GOLGA5: variants seen among roughly 807,000 people sequenced by gnomAD.
GOLGA5 encodes golgin subfamily A member 5.
A neutral mutation model predicts 93.5 loss-of-function variants in GOLGA5; 50 were observed. The ratio of observed to expected loss-of-function variants is 0.53; its 90% confidence interval spans 0.43 to 0.68. The LOEUF is 0.68. Among genes scored for constraint, GOLGA5 ranks in the 30% least tolerant of loss-of-function variants. The probability of loss-of-function intolerance (pLI) is 0.00; values close to 1 mark genes in which losing one functional copy is unlikely to be tolerated. For missense variants in GOLGA5, 760 were observed against 856.4 expected, an observed-to-expected ratio of 0.89 and a Z score of 1.40; for synonymous variants, 312 against 304.5, an observed-to-expected ratio of 1.02 and a Z score of -0.26.
chr14:92,794,927 C>T (rs1182265440), intron 1 of GOLGA5, among the ~76,000 whole-genome samples: 1 of 152,196 alleles, frequency 6.6e-6, no homozygotes, highest in Non-Finnish European at 1.5e-5. Context: ...GGGGAATTGA[C>T]GGGTGCCTCT....
chr14:92,820,660 C>T (rs1388299083), intron 8 of GOLGA5, among the ~76,000 whole-genome samples: 1 of 152,170 alleles, frequency 6.6e-6, no homozygotes, highest in Admixed American at 6.5e-5. Flanking sequence ...CCCGGCTTTC[C>T]AGGGCAGAGG....
intron 7 of GOLGA5, 69 bp downstream of exon 7, chr14:92,816,490 G>A (rs1031846941): frequency 7.7e-7 from 1 of 1,302,130 alleles, no homozygotes; most frequent in South Asian, 1.3e-5. Flanking sequence ...TGAGAGGTGG[G>A]GAAACAGCAT....
At position 92,809,527 on chromosome 14, in the gene GOLGA5, AT is replaced by A; in HGVS notation, c.992+10del. ...ACAGAGTGAAAAATCACGGTAGGTGATTCTATGAATAATGAAAAAAATGAGC... is the reference window on the plus strand; with the variant it reads ...ACAGAGTGAAAAATCACGGTAGGTGATCTATGAATAATGAAAAAAATGAGC... On this transcript the variant is annotated intron_variant, in intron 4 of 12. Coordinates refer to ENST00000163416, the MANE Select transcript of GOLGA5 (RefSeq NM_005113.4). 1 of 1,544,026 alleles carries A rather than the reference AT, an allele frequency of 6.5e-7. No homozygotes were observed. Among genetic ancestry groups the A allele is most frequent in the Non-Finnish European group, 8.9e-7 (1 of 1,117,932 alleles).
chr14:92,813,201 G>A (rs1885138004), intron 6 of GOLGA5, among the ~76,000 whole-genome samples: 1 of 151,614 alleles, frequency 6.6e-6, no homozygotes. Context: ...GTACTTTTTT[G>A]TATCACCCTA....
At chr14:92,830,642 C>T (rs1182098986) in intron 9 of GOLGA5, among the ~76,000 whole-genome samples, 3 of 152,084 alleles carry the variant, frequency 2.0e-5, no homozygotes, top group African/African-American at 7.2e-5. Flanking sequence ...CTCTGTCACC[C>T]GGGCTGGAGT....
Position 92,819,780 on chromosome 14 carries a change from G to A in GOLGA5, c.1564G>A (p.Ala522Thr), listed in dbSNP as rs542309479. The change falls in exon 8 of 13, where the codon GCT becomes ACT. Residue 522 changes from alanine (A) to threonine (T), a missense_variant. Coordinates refer to ENST00000163416, the MANE Select transcript of GOLGA5 (RefSeq NM_005113.4). Reference sequence around the variant, plus strand: ...GTTACAGGATCTGCATGACCAAATAGCTGGGCAGAAAGCATCCAAACAAGA... The same window carrying A: ...GTTACAGGATCTGCATGACCAAATAACTGGGCAGAAAGCATCCAAACAAGA... ...EQLQDLHDQI[A>T]GQKASKQELE... 2 of 1,613,982 alleles carry A rather than the reference G, an allele frequency of 1.2e-6. No homozygotes were observed. The highest frequency in any genetic ancestry group is 4.5e-5 in the East Asian group (2 of 44,882).
chr14:92,820,653 G>A (rs1033596366), intron 8 of GOLGA5, among the ~76,000 whole-genome samples: 5 of 152,192 alleles, frequency 3.3e-5, no homozygotes, highest in Admixed American at 6.5e-5. Flanking sequence ...GACAATACCC[G>A]GCTTTCCAGG....
intron 11 of GOLGA5, among the ~76,000 whole-genome samples, chr14:92,835,938 T>TATACAGG (rs200628174): frequency 0.65 from 99,447 of 151,950 alleles, 33,012 homozygotes; most frequent in African/African-American, 0.77. Context: ...TAACCCTGAC[T>TATACAGG]GTATCTCTTT....
intron 8 of GOLGA5, among the ~76,000 whole-genome samples, chr14:92,822,217 C>G (rs551637832): frequency 6.6e-6 from 1 of 152,324 alleles, no homozygotes; most frequent in African/African-American, 2.4e-5. Context: ...TTTCTCACCT[C>G]TCTTGATTTT....
At chr14:92,800,600 A>G (rs974671367) in intron 2 of GOLGA5, among the ~76,000 whole-genome samples, 27 of 152,352 alleles carry the variant, frequency 1.8e-4, no homozygotes, top group African/African-American at 6.5e-4. Flanking sequence ...CAGGCTTTAG[A>G]ATCGCTTGTG....
At chr14:92,814,288 G>C (rs951820161) in intron 6 of GOLGA5, among the ~76,000 whole-genome samples, 1 of 152,166 alleles carries the variant, frequency 6.6e-6, no homozygotes, top group Admixed American at 6.5e-5. Flanking sequence ...TGAGTGGTCA[G>C]AGATTGGAGA....
In GOLGA5 at chr14:92,839,695, A is replaced by G. The variant is rs1187834813; in HGVS notation, c.*249A>G. The G allele has an allele frequency of 1.9e-6, 1 of 530,014 alleles. No homozygotes were observed. Among genetic ancestry groups the G allele is most frequent in the Non-Finnish European group, 3.4e-6 (1 of 298,290 alleles). The allele number at this position is 530,014 out of a possible 1,614,324, so 32.8% of individuals were successfully genotyped here. A position where few individuals can be genotyped will look rare whatever the true frequency, so the allele number is the denominator to read the frequency against. ...TTTATCTGAGTTTAGTGGTCCTAAT[A>G]TATATGTAGAGAAAGATGGTGGGGT... On this transcript the variant is annotated 3_prime_UTR_variant, in exon 13 of 13. Transcript: ENST00000163416.
At chr14:92,809,549 T>G in intron 4 of GOLGA5, 30 bp downstream of exon 4, 1 of 1,377,250 alleles carries the variant, frequency 7.3e-7, no homozygotes, top group Non-Finnish European at 1.0e-6. Context: ...ATGAAAAAAA[T>G]GAGCAAGTAA....
At chr14:92,830,597 T>G (rs754582528) in intron 9 of GOLGA5, among the ~76,000 whole-genome samples, 2 of 151,890 alleles carry the variant, frequency 1.3e-5, no homozygotes, top group East Asian at 3.9e-4. Flanking sequence ...AATACAGCTT[T>G]TTGTTGTTGT....
In GOLGA5 at chr14:92,797,713, A is replaced by G. The variant is rs151097986; in HGVS notation, c.276A>G (p.Val92=). ...ANVKVGSRTP[V]EASHPVENAS... is the part of the protein sequence containing the mutation. ...TGAAAGTAGGATCTCGGACACCAGT[A>G]GAGGCCTCTCATCCTGTTGAAAATG... The change falls in exon 2 of 13, where the codon GTA becomes GTG. Residue 92 remains valine (V), a synonymous_variant. Coordinates refer to ENST00000163416, the MANE Select transcript of GOLGA5 (RefSeq NM_005113.4). The G allele has an allele frequency of 3.1e-6, 5 of 1,614,126 alleles. No homozygotes were observed. The highest frequency in any genetic ancestry group is 2.7e-5 in the African/African-American group (2 of 75,064).
intron 8 of GOLGA5, among the ~76,000 whole-genome samples, chr14:92,821,134 AT>A (rs1259119528): frequency 1.8e-4 from 27 of 152,338 alleles, no homozygotes; most frequent in African/African-American, 6.5e-4. Context: ...GTATTTTGTT[AT>A]ATCTCCTAGT....
At chr14:92,801,440 A>AACTTTC (rs1566952536) in intron 2 of GOLGA5, among the ~76,000 whole-genome samples, 1 of 152,070 alleles carries the variant, frequency 6.6e-6, no homozygotes, top group Non-Finnish European at 1.5e-5. Flanking sequence ...CATTTTCTGG[A>AACTTTC]AGTGTCAAGT....
In GOLGA5 at chr14:92,816,521, C is replaced by T. The variant is rs1384724685; in HGVS notation, c.1491+100C>T. ...AGCATTACTAAAGCGATAGGTTTCT[C>T]GCTTCTCTTCGCTTCGCTTCGCTTC... On this transcript the variant is annotated intron_variant, in intron 7 of 12. Transcript: ENST00000163416. The T allele has an allele frequency of 1.5e-5, 12 of 790,566 alleles. No individual in the cohort carries two copies. In the African/African-American group the frequency reaches 1.7e-4, roughly 11 times the overall value. The allele number at this position is 790,566 out of a possible 1,614,324, so 49.0% of individuals were successfully genotyped here. A position where few individuals can be genotyped will look rare whatever the true frequency, so the allele number is the denominator to read the frequency against.
intron 1 of GOLGA5, among the ~76,000 whole-genome samples, chr14:92,796,985 A>G (rs1218476767): frequency 6.7e-6 from 1 of 149,416 alleles, no homozygotes; most frequent in Non-Finnish European, 1.5e-5. Flanking sequence ...TCAAAAAAAA[A>G]AAAAAAAAAA....
Sources: gnomAD v4.1 joint callset for allele counts (sites outside exome capture counted in the v4.1 genomes callset) on GRCh38, gnomAD v4.1.1 for gene constraint, MANE v1.5 for transcripts, NCBI Gene and HGNC (gene_info 2026-07-23, HGNC 2026-07-21) for gene names.